HCN1: variants seen among roughly 807,000 people sequenced by gnomAD.
HCN1 encodes hyperpolarization activated cyclic nucleotide gated potassium channel 1, also known as potassium/sodium hyperpolarization-activated cyclic nucleotide-gated channel 1.
HCN1 carries 13 observed loss-of-function variants against 78.9 expected under a neutral mutation model. That is an observed-to-expected ratio of 0.16 (90% CI 0.11 to 0.26). The LOEUF (loss-of-function observed/expected upper bound fraction) is 0.26. Among genes scored for constraint, HCN1 ranks in the 10% least tolerant of loss-of-function variants. HCN1 has a pLI of 1.00. For missense variants in HCN1, 810 were observed against 1,154.3 expected (o/e 0.70, Z 4.32); for synonymous variants, 552 against 455.5 (o/e 1.21, Z -2.70).
At chr5:45,688,202 G>A (rs1274600226) in intron 1 of HCN1, among the ~76,000 whole-genome samples, 1 of 152,064 alleles carries the variant, frequency 6.6e-6, no homozygotes. Flanking sequence ...CAAGAGGGAG[G>A]AAGTATAAAT....
intron 3 of HCN1, among the ~76,000 whole-genome samples, chr5:45,459,196 G>T (rs1741091331): frequency 6.6e-6 from 1 of 151,678 alleles, no homozygotes; most frequent in Non-Finnish European, 1.5e-5. Flanking sequence ...ATGACTCCAG[G>T]AGTTTAAGAC....
chr5:45,546,855 T>C (rs1198358812), intron 2 of HCN1, among the ~76,000 whole-genome samples: 1 of 151,904 alleles, frequency 6.6e-6, no homozygotes, highest in Non-Finnish European at 1.5e-5. Flanking sequence ...ACAAGTTGTT[T>C]TCACGAGTAG....
At chr5:45,454,671 G>A (rs1740988683) in intron 3 of HCN1, among the ~76,000 whole-genome samples, 1 of 151,720 alleles carries the variant, frequency 6.6e-6, no homozygotes, top group Non-Finnish European at 1.5e-5. Flanking sequence ...TCATTTCTTC[G>A]TAATATTACT....
At chr5:45,671,184 C>A (rs953368197) in intron 1 of HCN1, among the ~76,000 whole-genome samples, 1 of 151,452 alleles carries the variant, frequency 6.6e-6, no homozygotes, top group Non-Finnish European at 1.5e-5. Flanking sequence ...CATCGATGTT[C>A]TGTCCTGTGT....
intron 2 of HCN1, among the ~76,000 whole-genome samples, chr5:45,464,272 A>T (rs927217639): frequency 2.0e-5 from 3 of 152,078 alleles, no homozygotes; most frequent in African/African-American, 7.2e-5. Flanking sequence ...CAATGATAAC[A>T]CTTTAGAAAC....
rs186626321 is a variant in HCN1 at position 45,562,783 on chromosome 5, G to A, written c.849+82402C>T. On this transcript the variant is annotated intron_variant, in intron 2 of 7. Transcript: ENST00000303230. ...AAAAAAAATTGCTTAACAAATGTAC[G>A]CAAAACCCTCTTGAATAGATGATAC... Among the ~76,000 whole-genome samples, 420 of 152,118 alleles carry A rather than the reference G, an allele frequency of 2.8e-3. 2 individuals are homozygous for A. Among genetic ancestry groups the A allele is most frequent in the African/African-American group, 9.6e-3 (400 of 41,494 alleles).
At chr5:45,302,277 A>AAGCGGC (rs1745642217) in intron 6 of HCN1, among the ~76,000 whole-genome samples, 1 of 151,226 alleles carries the variant, frequency 6.6e-6, no homozygotes, top group African/African-American at 2.4e-5. Context: ...CTGATGGTTT[A>AAGCGGC]AGTTTCCCCT....
At chr5:45,281,579 C>CTTTTTTTTTTTT (rs751307473) in intron 6 of HCN1, among the ~76,000 whole-genome samples, 2 of 81,664 alleles carry the variant, frequency 2.4e-5, no homozygotes, top group Non-Finnish European at 4.8e-5. Flanking sequence ...CTCTTCTCTT[C>CTTTTTTTTTTTT]TTTTTTTTTT....
chr5:45,597,329 C>G (rs911995912), intron 2 of HCN1, among the ~76,000 whole-genome samples: 1 of 152,190 alleles, frequency 6.6e-6, no homozygotes. Context: ...ACATGATTAT[C>G]TCAATAGATG....
intron 6 of HCN1, among the ~76,000 whole-genome samples, chr5:45,278,870 ACTG>A (rs932951153): frequency 1.4e-4 from 22 of 152,134 alleles, no homozygotes; most frequent in African/African-American, 3.9e-4. Context: ...GGCTTATTGA[ACTG>A]CTTTTTTTAA....
At chr5:45,392,400 G>A (rs1220769289) in intron 4 of HCN1, among the ~76,000 whole-genome samples, 4 of 152,068 alleles carry the variant, frequency 2.6e-5, no homozygotes, top group Admixed American at 2.6e-4. Flanking sequence ...GAGCTAAATA[G>A]GTTTAGAACA....
At chr5:45,452,543 T>TCCTCTC (rs1432270702) in intron 3 of HCN1, among the ~76,000 whole-genome samples, 1 of 151,740 alleles carries the variant, frequency 6.6e-6, no homozygotes, top group Non-Finnish European at 1.5e-5. Context: ...AGTTTTCCTA[T>TCCTCTC]CCTCTCCCTC....
intron 2 of HCN1, among the ~76,000 whole-genome samples, chr5:45,614,728 G>A (rs1464865201): frequency 6.6e-6 from 1 of 151,868 alleles, no homozygotes; most frequent in African/African-American, 2.4e-5. Flanking sequence ...AAACAGAAAA[G>A]AAGCTAAAGC....
At chr5:45,448,960 A>G (rs1740853330) in intron 3 of HCN1, among the ~76,000 whole-genome samples, 1 of 152,162 alleles carries the variant, frequency 6.6e-6, no homozygotes, top group African/African-American at 2.4e-5. Context: ...CTAAAAATAC[A>G]AAAGTTAGCC....
chr5:45,292,470 T>C (rs1402738881), intron 6 of HCN1, among the ~76,000 whole-genome samples: 1 of 152,004 alleles, frequency 6.6e-6, no homozygotes, highest in African/African-American at 2.4e-5. Context: ...CTACAGATTC[T>C]ATTGTTTTAG....
rs1033522933 is a variant in HCN1 at position 45,259,535 on chromosome 5, T to C, written c.*2386A>G. 3 of 152,296 alleles carry C rather than the reference T, an allele frequency of 2.0e-5. No individual in the cohort carries two copies. Among genetic ancestry groups the C allele is most frequent in the African/African-American group, 7.2e-5 (3 of 41,430 alleles). 9.4% of individuals were successfully genotyped at this position (152,296 alleles called of 1,614,324 possible). On this transcript the variant is annotated 3_prime_UTR_variant, in exon 8 of 8. Coordinates refer to ENST00000303230, the MANE Select transcript of HCN1 (RefSeq NM_021072.4). ...TTACAGGAATGTGAGTCATTTTTTTTTCTTAATCTAAGTATATATACATTC... is the reference window on the plus strand; with the variant it reads ...TTACAGGAATGTGAGTCATTTTTTTCTCTTAATCTAAGTATATATACATTC...
At chr5:45,481,439 A>G (rs1579921306) in intron 2 of HCN1, among the ~76,000 whole-genome samples, 1 of 152,326 alleles carries the variant, frequency 6.6e-6, no homozygotes, top group East Asian at 1.9e-4. Flanking sequence ...ATGGATGCAG[A>G]ATGAATTAAG....
intron 6 of HCN1, among the ~76,000 whole-genome samples, chr5:45,298,510 A>C (rs1257392460): frequency 2.6e-5 from 4 of 152,068 alleles, no homozygotes; most frequent in African/African-American, 9.7e-5. Context: ...AAAGGGACAG[A>C]GGGGCTAATT....
At chr5:45,354,486 G>A (rs1746971489) in intron 4 of HCN1, among the ~76,000 whole-genome samples, 1 of 151,896 alleles carries the variant, frequency 6.6e-6, no homozygotes, top group Non-Finnish European at 1.5e-5. Flanking sequence ...TGATAACACA[G>A]CTCTGACTAG....
Sources: allele counts gnomAD v4.1 joint callset (sites outside exome capture counted in the v4.1 genomes callset), GRCh38; gene constraint gnomAD v4.1.1; transcripts MANE v1.5; gene names NCBI Gene and HGNC (gene_info 2026-07-23, HGNC 2026-07-21).